IGF2BP2: variants seen among roughly 807,000 people sequenced by gnomAD.
The protein encoded by IGF2BP2 is insulin-like growth factor 2 mRNA-binding protein 2.
IGF2BP2 carries 17 observed loss-of-function variants against 75.8 expected under a neutral mutation model. The observed-to-expected ratio is 0.22, with a 90% CI of 0.15 to 0.34. IGF2BP2 has a LOEUF of 0.34. Among genes scored for constraint, IGF2BP2 ranks in the 10% least tolerant of loss-of-function variants. IGF2BP2 has a pLI of 1.00. For missense variants in IGF2BP2, 516 were observed against 772.4 expected, an observed-to-expected ratio of 0.67 and a Z score of 3.93; for synonymous variants, 288 against 295.6, an observed-to-expected ratio of 0.97 and a Z score of 0.26.
chr3:185,810,759 G>A (rs1419870624), intron 2 of IGF2BP2, among the ~76,000 whole-genome samples: 7 of 146,914 alleles, frequency 4.8e-5, no homozygotes, highest in African/African-American at 1.6e-4. Flanking sequence ...AGGCAACAGC[G>A]AGACTCTGTC....
At position 185,644,693 on chromosome 3, in the gene IGF2BP2, CAGAG is replaced by C; in HGVS notation, c.*834_*837del. 6.7e-6 allele frequency: 1 copy of C among 149,144 alleles called. No individual in the cohort carries two copies. The highest frequency in any genetic ancestry group is 1.5e-5 in the Non-Finnish European group (1 of 67,614). The allele number at this position is 149,144 out of a possible 1,614,324, so 9.2% of individuals were successfully genotyped here. A position where few individuals can be genotyped will look rare whatever the true frequency, so the allele number is the denominator to read the frequency against. ...GGAGGGGAGGGAGGGGAGAGATAAACAGAGAGAGACAGAGAATTATATAGCAGTA... is the reference window on the plus strand; with the variant it reads ...GGAGGGGAGGGAGGGGAGAGATAAACAGAGACAGAGAATTATATAGCAGTA... On this transcript the variant is annotated 3_prime_UTR_variant, in exon 16 of 16. Coordinates refer to ENST00000382199, the MANE Select transcript of IGF2BP2 (RefSeq NM_006548.6).
At chr3:185,768,267 T>A (rs1262824145) in intron 2 of IGF2BP2, among the ~76,000 whole-genome samples, 1 of 152,172 alleles carries the variant, frequency 6.6e-6, no homozygotes, top group Non-Finnish European at 1.5e-5. Context: ...TCTCTATTGT[T>A]AATTAAAACA....
intron 2 of IGF2BP2, among the ~76,000 whole-genome samples, chr3:185,798,034 T>C (rs1737671730): frequency 6.6e-6 from 1 of 151,528 alleles, no homozygotes. Flanking sequence ...AAATCCCATC[T>C]CTATTAAGAA....
chr3:185,659,090 T>C (rs1715962748), intron 10 of IGF2BP2, among the ~76,000 whole-genome samples: 1 of 152,048 alleles, frequency 6.6e-6, no homozygotes, highest in African/African-American at 2.4e-5. Context: ...TGTGGTAGTG[T>C]GCACTCTGGT....
chr3:185,658,186 T>C (rs1715768247), intron 11 of IGF2BP2, among the ~76,000 whole-genome samples, 155 bp downstream of exon 11: 1 of 152,064 alleles, frequency 6.6e-6, no homozygotes, highest in Admixed American at 6.5e-5. Context: ...GCTGGGGAGT[T>C]TGGCGTGCTC....
intron 10 of IGF2BP2, among the ~76,000 whole-genome samples, chr3:185,659,857 CA>C (rs1179697265): frequency 6.6e-6 from 1 of 151,524 alleles, no homozygotes; most frequent in Non-Finnish European, 1.5e-5. Flanking sequence ...TGCAGTGGCG[CA>C]ATCTCGGCTC....
chr3:185,665,246 A>AG (rs1717153438), intron 10 of IGF2BP2, among the ~76,000 whole-genome samples: 13 of 145,792 alleles, frequency 8.9e-5, no homozygotes, highest in African/African-American at 2.8e-4. Context: ...GAGAAGGAGA[A>AG]GAAGGAGAAG....
chr3:185,722,009 T>G (rs991598522), intron 2 of IGF2BP2: 8 of 204,940 alleles, frequency 3.9e-5, no homozygotes, highest in African/African-American at 1.2e-4. Flanking sequence ...CAAGTACTTG[T>G]TTTTTTTTTT....
intron 2 of IGF2BP2, among the ~76,000 whole-genome samples, chr3:185,821,324 C>T (rs765754395): frequency 1.3e-5 from 2 of 152,148 alleles, no homozygotes; most frequent in Non-Finnish European, 2.9e-5. Flanking sequence ...TCACATCGCC[C>T]ACATGTTCAA....
At chr3:185,780,266 A>G (rs1291058678) in intron 2 of IGF2BP2, among the ~76,000 whole-genome samples, 1 of 152,234 alleles carries the variant, frequency 6.6e-6, no homozygotes, top group Non-Finnish European at 1.5e-5. Flanking sequence ...GAAAGGAGGA[A>G]AGGGACCAGG....
In IGF2BP2 at chr3:185,675,286, A is replaced by G; in HGVS notation, c.1071+10T>C. On this transcript the variant is annotated intron_variant, in intron 9 of 15. Transcript: ENST00000382199. The stretch of plus-strand genomic sequence containing the variant: ...GAAAACCAGCGGAGAAGAAAGCATT[A>G]GGGACTTACGTTAACAGCCAGCATA... 1.2e-6 allele frequency: 2 copies of G among 1,601,482 alleles called. No individual in the cohort carries two copies. Among genetic ancestry groups the G allele is most frequent in the Non-Finnish European group, 1.7e-6 (2 of 1,177,552 alleles).
intron 2 of IGF2BP2, among the ~76,000 whole-genome samples, chr3:185,803,299 C>A (rs1393398996): frequency 6.6e-6 from 1 of 152,066 alleles, no homozygotes; most frequent in Non-Finnish European, 1.5e-5. Context: ...TGCAGTGAGC[C>A]GAGATCATGC....
At chr3:185,741,519 CCT>C (rs1178363246) in intron 2 of IGF2BP2, among the ~76,000 whole-genome samples, 3 of 152,082 alleles carry the variant, frequency 2.0e-5, no homozygotes, top group African/African-American at 4.8e-5. Flanking sequence ...TGAGTGGCAC[CCT>C]GTCCCATGAA....
At chr3:185,659,186 T>G (rs1338757133) in intron 10 of IGF2BP2, among the ~76,000 whole-genome samples, 1 of 151,644 alleles carries the variant, frequency 6.6e-6, no homozygotes, top group Non-Finnish European at 1.5e-5. Flanking sequence ...ACCACTGCAC[T>G]GGTGCTATGC....
rs369119625 is a variant in IGF2BP2 at position 185,823,109 on chromosome 3, C to T, written c.239+44G>A. On this transcript the variant is annotated intron_variant, in intron 2 of 15. Coordinates refer to ENST00000382199, the MANE Select transcript of IGF2BP2 (RefSeq NM_006548.6). ...GCTGTGTGTACGTTTTTTACTTATA[C>T]GTAAGGCCAATCGCAAAAAAAAAAC... The T allele has an allele frequency of 1.7e-4, 237 of 1,354,720 alleles. 2 individuals carry two copies. Among genetic ancestry groups the T allele is most frequent in the Non-Finnish European group, 4.2e-5 (41 of 970,784 alleles). 83.9% of individuals were successfully genotyped at this position (1,354,720 alleles called of 1,614,324 possible).
intron 2 of IGF2BP2, among the ~76,000 whole-genome samples, chr3:185,718,379 C>T (rs73885763): frequency 2.2e-3 from 332 of 152,236 alleles, no homozygotes; most frequent in African/African-American, 7.7e-3. Flanking sequence ...AGGGCTAAAG[C>T]AGTAACTCTA....
chr3:185,708,551 C>A (rs560692604), intron 2 of IGF2BP2, among the ~76,000 whole-genome samples: 52 of 151,990 alleles, frequency 3.4e-4, no homozygotes, highest in Non-Finnish European at 6.0e-4. Context: ...CATGAATTAG[C>A]CGACTTCTGG....
chr3:185,693,748 C>T (rs1722240969), intron 4 of IGF2BP2, among the ~76,000 whole-genome samples: 1 of 152,126 alleles, frequency 6.6e-6, no homozygotes, highest in Non-Finnish European at 1.5e-5. Flanking sequence ...CAATTCTTCC[C>T]TTTAAAAGAT....
Position 185,821,009 on chromosome 3 carries a change from T to C in IGF2BP2, c.239+2144A>G, listed in dbSNP as rs1165267808. 5 of 1,535,476 alleles carry C rather than the reference T, an allele frequency of 3.3e-6. No individual in the cohort carries two copies. In the East Asian group the frequency reaches 9.8e-5, roughly 30 times the overall value. Reference sequence around the variant, plus strand: ...AAAGCTTTGGTTTCAAATGTCACAGTACCCTGGATTTAGAAAGCCATCAAC... The same window carrying C: ...AAAGCTTTGGTTTCAAATGTCACAGCACCCTGGATTTAGAAAGCCATCAAC... On this transcript the variant is annotated intron_variant, in intron 2 of 15. Transcript: ENST00000382199.
Sources: allele counts gnomAD v4.1 joint callset (sites outside exome capture counted in the v4.1 genomes callset), GRCh38; gene constraint gnomAD v4.1.1; transcripts MANE v1.5; gene names NCBI Gene and HGNC (gene_info 2026-07-23, HGNC 2026-07-21).